Variants in NR5A2 observed in about 807,000 individuals in gnomAD.
The protein encoded by NR5A2 is nuclear receptor subfamily 5 group A member 2.
Under a neutral mutation model 62.7 loss-of-function variants are expected in NR5A2, and 26 were observed. The ratio of observed to expected loss-of-function variants is 0.41; its 90% confidence interval spans 0.30 to 0.58. NR5A2 has a LOEUF of 0.58. Among genes scored for constraint, NR5A2 ranks in the 20% least tolerant of loss-of-function variants. NR5A2 has a pLI of 0.22. For missense variants in NR5A2, 541 were observed against 669.1 expected (o/e 0.81, Z 2.11); for synonymous variants, 246 against 241.7 (o/e 1.02, Z -0.16).
At chr1:200,167,950 A>G (rs1653983816) in intron 7 of NR5A2, among the ~76,000 whole-genome samples, 2 of 152,178 alleles carry the variant, frequency 1.3e-5, no homozygotes, top group African/African-American at 4.8e-5. Flanking sequence ...GGCACTGCTT[A>G]TCTGTATCAC....
chr1:200,085,285 AG>A (rs1484353880), intron 5 of NR5A2, among the ~76,000 whole-genome samples: 4 of 152,206 alleles, frequency 2.6e-5, no homozygotes. Context: ...TATATATTCA[AG>A]AAAAGTCAAT....
chr1:200,116,617 T>G (rs1666231678), intron 6 of NR5A2, among the ~76,000 whole-genome samples: 1 of 152,222 alleles, frequency 6.6e-6, no homozygotes, highest in African/African-American at 2.4e-5. Flanking sequence ...AGTGTTTCAC[T>G]TAACCCTGTA....
chr1:200,053,565 A>ACACGCG (rs1553266362), intron 5 of NR5A2, among the ~76,000 whole-genome samples: 1 of 84,274 alleles, frequency 1.2e-5, no homozygotes, highest in Non-Finnish European at 2.3e-5. Flanking sequence ...CCCAGCATGC[A>ACACGCG]CACGCACACA....
chr1:200,034,518 A>C (rs1266573817), intron 1 of NR5A2, among the ~76,000 whole-genome samples: 2 of 148,934 alleles, frequency 1.3e-5, no homozygotes, highest in Non-Finnish European at 3.0e-5. Context: ...TTTTTATACA[A>C]AGAGCCGTAG....
intron 7 of NR5A2, among the ~76,000 whole-genome samples, chr1:200,148,712 T>A (rs1368101016): frequency 6.6e-6 from 1 of 152,218 alleles, no homozygotes; most frequent in African/African-American, 2.4e-5. Context: ...ATCATTTCTA[T>A]GTGGATGATT....
chr1:200,091,593 T>G (rs1459526013), intron 5 of NR5A2, among the ~76,000 whole-genome samples: 1 of 151,544 alleles, frequency 6.6e-6, no homozygotes, highest in Admixed American at 6.6e-5. Context: ...CAAGCGATTC[T>G]CCTGCCTCAG....
chr1:200,066,804 T>A (rs1462893956), intron 5 of NR5A2, among the ~76,000 whole-genome samples: 1 of 152,152 alleles, frequency 6.6e-6, no homozygotes, highest in Non-Finnish European at 1.5e-5. Context: ...GTCAGGGTGA[T>A]CTCGAACTTC....
At chr1:200,161,786 CA>C (rs1425187245) in intron 7 of NR5A2, among the ~76,000 whole-genome samples, 1 of 152,110 alleles carries the variant, frequency 6.6e-6, no homozygotes, top group African/African-American at 2.4e-5. Flanking sequence ...AGAAAGTGCT[CA>C]ATATATTTTT....
intron 6 of NR5A2, among the ~76,000 whole-genome samples, chr1:200,116,208 A>G (rs547478047): frequency 5.3e-5 from 8 of 152,188 alleles, no homozygotes; most frequent in Non-Finnish European, 4.4e-5. Flanking sequence ...CATGTATGTC[A>G]TGTCTACACA....
rs367908013 is a variant in NR5A2, at chr1:200,111,240, T to G, written c.1149T>G (p.Ser383Arg). Reference sequence around the variant, plus strand: ...TGAAGCTGCTTCAGAACTGCTGGAGTGAGCTCTTAATCCTCGACCACATTT... The same window carrying G: ...TGAAGCTGCTTCAGAACTGCTGGAGGGAGCTCTTAATCCTCGACCACATTT... ...DQMKLLQNCW[S>R]ELLILDHIYR... The change falls in exon 6 of 8, where the codon AGT becomes AGG. Residue 383 changes from serine to arginine, a missense_variant. Ser to Arg is a moderately radical substitution (Grantham distance 110). Coordinates refer to ENST00000367362, the MANE Select transcript of NR5A2 (RefSeq NM_205860.3). 1 of 1,613,128 alleles carries G rather than the reference T, an allele frequency of 6.2e-7. No homozygotes were observed. The highest frequency in any genetic ancestry group is 8.5e-7 in the Non-Finnish European group (1 of 1,179,802).
intron 7 of NR5A2, among the ~76,000 whole-genome samples, chr1:200,161,954 A>T (rs1454001741): frequency 2.6e-5 from 4 of 152,208 alleles, no homozygotes; most frequent in African/African-American, 9.7e-5. Flanking sequence ...CTTCTGAGAG[A>T]ATGCAATCTA....
In NR5A2 at chr1:200,039,826, C is replaced by T. The variant is rs1661978349; in HGVS notation, c.202+31C>T. Reference sequence around the variant, plus strand: ...GAGGCGCCGCGCGGCGCTCCGGCTCCCGCTGCTTCCCCACCCCCGGGCTCG... The same window carrying T: ...GAGGCGCCGCGCGGCGCTCCGGCTCTCGCTGCTTCCCCACCCCCGGGCTCG... On this transcript the variant is annotated intron_variant, in intron 2 of 7. Transcript: ENST00000367362. The surrounding 1 kb of genome is among the most constrained non-coding windows in gnomAD (Gnocchi z 5.1). The T allele has an allele frequency of 2.5e-6, 4 of 1,583,564 alleles. No homozygotes were observed. The South Asian group carries it at 3.4e-5, about 13-fold the overall frequency.
At position 200,048,791 on chromosome 1, in the gene NR5A2, G is replaced by A; in HGVS notation, c.1083G>A (p.Arg361=). 2 of 1,614,142 alleles carry A rather than the reference G, an allele frequency of 1.2e-6. No homozygotes were observed. The highest frequency in any genetic ancestry group is 1.7e-6 in the Non-Finnish European group (2 of 1,179,990). ...QTLFSIVEWA[R]SSIFFRELKV... Reference sequence around the variant, plus strand: ...TCTTCTCCATTGTCGAGTGGGCCAGGAGTAGTATCTTCTTCAGAGAACTTA... The same window carrying A: ...TCTTCTCCATTGTCGAGTGGGCCAGAAGTAGTATCTTCTTCAGAGAACTTA... Residue 361 remains arginine, a synonymous_variant, in exon 5 of 8, where the codon AGG becomes AGA. Transcript: ENST00000367362. This position sits in a 1 kb window ranked among gnomAD's most constrained non-coding sequence, Gnocchi z 4.8.
chr1:200,053,163 C>T (rs1356462041), intron 5 of NR5A2, among the ~76,000 whole-genome samples: 2 of 152,054 alleles, frequency 1.3e-5, no homozygotes, highest in African/African-American at 2.4e-5. Context: ...TCATAGAAAC[C>T]GTGGAATTTC....
chr1:200,144,233 T>TCACACACACACACACACA (rs60365337), intron 7 of NR5A2, among the ~76,000 whole-genome samples: 1 of 80,026 alleles, frequency 1.2e-5, no homozygotes, highest in African/African-American at 4.2e-5. Flanking sequence ...TCTCTCTCTC[T>TCACACACACACACACACA]CACACACACA....
chr1:200,119,200 T>C (rs564520034), intron 6 of NR5A2, among the ~76,000 whole-genome samples: 2 of 152,290 alleles, frequency 1.3e-5, no homozygotes, highest in East Asian at 1.9e-4. Flanking sequence ...TCATCATATT[T>C]ACACAATAAA....
At chr1:200,088,147 C>T (rs1391776088) in intron 5 of NR5A2, among the ~76,000 whole-genome samples, 1 of 151,878 alleles carries the variant, frequency 6.6e-6, no homozygotes, top group African/African-American at 2.4e-5. Flanking sequence ...TCAAGCAGTC[C>T]TCCCACATTG....
chr1:200,153,614 G>C (rs976288747), intron 7 of NR5A2, among the ~76,000 whole-genome samples: 56 of 152,230 alleles, frequency 3.7e-4, no homozygotes, highest in African/African-American at 9.9e-4. Context: ...CAGAGAGGTT[G>C]CTGGTTAGAC....
intron 5 of NR5A2, among the ~76,000 whole-genome samples, chr1:200,076,112 C>A (rs1451506749): frequency 6.6e-6 from 1 of 152,056 alleles, no homozygotes; most frequent in Admixed American, 6.6e-5. Context: ...TTTTTTTCCT[C>A]CCCTTTCTTC....
Sources: gnomAD v4.1 joint callset for allele counts (sites outside exome capture counted in the v4.1 genomes callset) on GRCh38, gnomAD v4.1.1 for gene constraint, Gnocchi (gnomAD v3.1) non-coding constraint, MANE v1.5 for transcripts, NCBI Gene and HGNC (gene_info 2026-07-23, HGNC 2026-07-21) for gene names.